STYX: variants seen among roughly 807,000 people sequenced by gnomAD.
STYX encodes serine/threonine/tyrosine interacting protein.
Under a neutral mutation model 42.7 loss-of-function variants are expected in STYX, and 20 were observed. The ratio of observed to expected loss-of-function variants is 0.47; its 90% CI spans 0.33 to 0.68. STYX has a LOEUF of 0.68. STYX is among the 30% of genes least tolerant of loss of function. The probability of loss-of-function intolerance (pLI) is 0.02; values close to 1 mark genes in which losing one functional copy is unlikely to be tolerated. For synonymous variants in STYX, 78 were observed against 81.9 expected, an observed-to-expected ratio of 0.95 and a Z score of 0.26; for missense variants, 226 against 268.5, an observed-to-expected ratio of 0.84 and a Z score of 1.11.
At chr14:52,749,629 T>G (rs1184998323) in intron 3 of STYX, among the ~76,000 whole-genome samples, 2 of 152,254 alleles carry the variant, frequency 1.3e-5, no homozygotes, top group African/African-American at 4.8e-5. Context: ...AAAAATCTTT[T>G]CTGTCATGGA....
intron 9 of STYX, among the ~76,000 whole-genome samples, chr14:52,764,913 C>T (rs935031916): frequency 6.6e-6 from 1 of 152,092 alleles, no homozygotes; most frequent in Admixed American, 6.5e-5. Flanking sequence ...ATGTGATCCA[C>T]CCGCCTCAGC....
At chr14:52,770,504 T>C (rs1460443579) in intron 10 of STYX, among the ~76,000 whole-genome samples, 2 of 152,110 alleles carry the variant, frequency 1.3e-5, no homozygotes, top group African/African-American at 4.8e-5. Flanking sequence ...CAGATGCTGG[T>C]ATGAAGAATA....
Position 52,757,794 on chromosome 14 carries a change from G to T in STYX, c.380+12G>T. ...GGGATCTCCAGAAGGTATGAAGTTA[G>T]AAATAATCTTTCTTTCTATAACATT... On this transcript the variant is annotated intron_variant, in intron 7 of 10. Coordinates refer to ENST00000354586, the MANE Select transcript of STYX (RefSeq NM_145251.4). The T allele has an allele frequency of 6.2e-7, 1 of 1,613,302 alleles. No individual in the cohort carries two copies. Among genetic ancestry groups the T allele is most frequent in the Non-Finnish European group, 8.5e-7 (1 of 1,179,676 alleles).
chr14:52,771,519 A>C lies in STYX; in HGVS notation c.*413A>C, dbSNP rs1457275823. On this transcript the variant is annotated 3_prime_UTR_variant, in exon 11 of 11. Transcript: ENST00000354586. The stretch of plus-strand genomic sequence containing the variant: ...GGGTAATTTATAACAAAATTTGCTA[A>C]GGTTTGCTAAAAATTCATTTTTCTG... The C allele has an allele frequency of 6.5e-6, 1 of 153,894 alleles. No individual in the cohort carries two copies. Among genetic ancestry groups the C allele is most frequent in the African/African-American group, 2.4e-5 (1 of 41,486 alleles). The allele number at this position is 153,894 out of a possible 1,614,324, so 9.5% of individuals were successfully genotyped here. A position where few individuals can be genotyped will look rare whatever the true frequency, so the allele number is the denominator to read the frequency against.
chr14:52,739,632 CTTTTTT>C (rs58454717), intron 1 of STYX, among the ~76,000 whole-genome samples: 8 of 65,728 alleles, frequency 1.2e-4, no homozygotes, highest in South Asian at 1.3e-3. Flanking sequence ...TCCTTTCTTT[CTTTTTT>C]TTTTTTTTTT....
intron 1 of STYX, 147 bp downstream of exon 1, chr14:52,730,678 G>A: frequency 2.4e-6 from 2 of 818,668 alleles, no homozygotes; most frequent in Non-Finnish European, 3.8e-6. Context: ...CCGAGCGGTC[G>A]GCTCCAATCC....
chr14:52,749,498 G>A lies in STYX; in HGVS notation c.145-1185G>A, dbSNP rs533193510. The stretch of plus-strand genomic sequence containing the variant: ...AAGGTTATCTGATTCTCATGCCATC[G>A]TGACTTGTTAGTTCATTTATTGAAC... On this transcript the variant is annotated intron_variant, in intron 3 of 10. Transcript: ENST00000354586. Among the ~76,000 whole-genome samples the A allele has an allele frequency of 6.6e-5, 10 of 152,150 alleles. No individual in the cohort carries two copies. In the East Asian group the frequency reaches 1.7e-3, roughly 26 times the overall value.
intron 9 of STYX, among the ~76,000 whole-genome samples, chr14:52,761,611 C>G (rs1302712466): frequency 6.8e-6 from 1 of 147,648 alleles, no homozygotes; most frequent in South Asian, 2.2e-4. Context: ...CTCTGTCACC[C>G]AGGCTGGAGT....
intron 9 of STYX, among the ~76,000 whole-genome samples, chr14:52,762,456 G>C (rs1882131894): frequency 6.6e-6 from 1 of 152,090 alleles, no homozygotes; most frequent in African/African-American, 2.4e-5. Flanking sequence ...TCATCCTTTT[G>C]GTCCAGCAAT....
chr14:52,766,369 A>G (rs377684343), intron 9 of STYX, among the ~76,000 whole-genome samples: 1 of 152,112 alleles, frequency 6.6e-6, no homozygotes, highest in Non-Finnish European at 1.5e-5. Flanking sequence ...GGGTTTCACC[A>G]TGTAAGCCAG....
chr14:52,736,541 T>C (rs1173346072), intron 1 of STYX, among the ~76,000 whole-genome samples: 2 of 152,234 alleles, frequency 1.3e-5, no homozygotes, highest in African/African-American at 4.8e-5. Flanking sequence ...TTATTTCCAT[T>C]GCAGTTTAGC....
intron 9 of STYX, among the ~76,000 whole-genome samples, chr14:52,761,255 G>A (rs1882082316): frequency 6.6e-6 from 1 of 151,208 alleles, no homozygotes; most frequent in African/African-American, 2.4e-5. Flanking sequence ...TTGAACCTGG[G>A]AGGCGGAGGT....
Position 52,757,774 on chromosome 14 carries a change from C to T in STYX, c.372C>T (p.Ile124=), listed in dbSNP as rs374919666. Reference sequence around the variant, plus strand: ...TTCTTGTGCATGGAAATGCAGGGATCTCCAGAAGGTATGAAGTTAGAAATA... The same window carrying T: ...TTCTTGTGCATGGAAATGCAGGGATTTCCAGAAGGTATGAAGTTAGAAATA... ...GKVLVHGNAG[I]SRSAAFVIAY... The change falls in exon 7 of 11, where the codon ATC becomes ATT. Residue 124 remains isoleucine, a synonymous_variant. Transcript: ENST00000354586. 62 of 1,613,308 alleles carry T rather than the reference C, an allele frequency of 3.8e-5. No homozygotes were observed. Among genetic ancestry groups the T allele is most frequent in the Non-Finnish European group, 4.8e-5 (57 of 1,179,700 alleles).
chr14:52,744,477 G>A (rs967010122), intron 1 of STYX, among the ~76,000 whole-genome samples: 2 of 152,126 alleles, frequency 1.3e-5, no homozygotes, highest in Non-Finnish European at 2.9e-5. Context: ...AGTGTTTTAG[G>A]TATCTGCTGT....
At chr14:52,765,709 C>G (rs1882277944) in intron 9 of STYX, among the ~76,000 whole-genome samples, 1 of 152,146 alleles carries the variant, frequency 6.6e-6, no homozygotes, top group Admixed American at 6.5e-5. Flanking sequence ...CAAAACTGTT[C>G]TATATCAGAT....
chr14:52,742,900 A>G (rs1445343626), intron 1 of STYX, among the ~76,000 whole-genome samples: 1 of 150,922 alleles, frequency 6.6e-6, no homozygotes, highest in African/African-American at 2.4e-5. Flanking sequence ...GGTTCAAGCG[A>G]TTCTCCTGCC....
At chr14:52,756,232 T>G (rs370608946) in intron 4 of STYX, among the ~76,000 whole-genome samples, 1 of 152,298 alleles carries the variant, frequency 6.6e-6, no homozygotes, top group Non-Finnish European at 1.5e-5. Context: ...CTCAGGCTGG[T>G]CTCGAATCCC....
intron 1 of STYX, 134 bp downstream of exon 1, chr14:52,730,665 A>T: frequency 1.0e-6 from 1 of 960,102 alleles, no homozygotes; most frequent in Non-Finnish European, 1.5e-6. Flanking sequence ...GGGACCTCTG[A>T]AGCCGAGCGG....
At position 52,774,269 on chromosome 14, in the gene STYX, T is replaced by C. The variant is rs1430092892; in HGVS notation, c.*3163T>C. 1 of 152,164 alleles carries C rather than the reference T, an allele frequency of 6.6e-6. No individual in the cohort carries two copies. Among genetic ancestry groups the C allele is most frequent in the Non-Finnish European group, 1.5e-5 (1 of 68,002 alleles). 9.4% of individuals were successfully genotyped at this position (152,164 alleles called of 1,614,324 possible). On this transcript the variant is annotated 3_prime_UTR_variant, in exon 11 of 11. Coordinates refer to ENST00000354586, the MANE Select transcript of STYX (RefSeq NM_145251.4). ...TAAGAAAATATAAGGTTTCTAATTG[T>C]CTTATTAATATGGTAATTCAAGTGA...
Sources: allele counts gnomAD v4.1 joint callset (sites outside exome capture counted in the v4.1 genomes callset), GRCh38; gene constraint gnomAD v4.1.1; transcripts MANE v1.5; gene names NCBI Gene and HGNC (gene_info 2026-07-23, HGNC 2026-07-21).